Variants in DNAJC12 observed in about 807,000 individuals in gnomAD.
DNAJC12 encodes DnaJ heat shock protein family (Hsp40) member C12, also known as dnaJ homolog subfamily C member 12.
A neutral mutation model predicts 28.5 loss-of-function variants in DNAJC12; 25 were observed. The observed-to-expected ratio is 0.88, with a 90% confidence interval of 0.64 to 1.22. The LOEUF is 1.22. Among genes scored for constraint, DNAJC12 ranks in the 50% most tolerant of loss-of-function variants. The pLI, the probability that DNAJC12 is intolerant of heterozygous loss-of-function variation, is 0.00. For synonymous variants in DNAJC12, 77 were observed against 80.6 expected, an observed-to-expected ratio of 0.95 and a Z score of 0.24; for missense variants, 222 against 231.7, an observed-to-expected ratio of 0.96 and a Z score of 0.27.
At chr10:67,798,866 A>G (rs1841707908) in intron 4 of DNAJC12, among the ~76,000 whole-genome samples, 1 of 150,934 alleles carries the variant, frequency 6.6e-6, no homozygotes, top group Admixed American at 6.6e-5. Flanking sequence ...CCCGGGTTCA[A>G]GCGATTCTCC....
intron 4 of DNAJC12, 93 bp downstream of exon 4, chr10:67,805,490 G>C: frequency 7.5e-7 from 1 of 1,327,998 alleles, no homozygotes; most frequent in Non-Finnish European, 1.0e-6. Flanking sequence ...TGGCACTGCT[G>C]TGCAGATTGA....
At chr10:67,835,549 G>C (rs2131818667) in intron 1 of DNAJC12, among the ~76,000 whole-genome samples, 1 of 152,088 alleles carries the variant, frequency 6.6e-6, no homozygotes, top group Non-Finnish European at 1.5e-5. Flanking sequence ...AATTAGCTAG[G>C]CATGGTGGCA....
chr10:67,821,641 G>A (rs545388722), intron 2 of DNAJC12, among the ~76,000 whole-genome samples: 2 of 152,342 alleles, frequency 1.3e-5, no homozygotes, highest in Admixed American at 1.3e-4. Context: ...GCATCTGTTA[G>A]AGTATTTTTT....
At chr10:67,808,563 C>T (rs567994512) in intron 3 of DNAJC12, 6 of 152,060 alleles carry the variant, frequency 3.9e-5, no homozygotes, top group Admixed American at 1.3e-4. Context: ...GATCATGGTC[C>T]CTGTGCAAAG....
chr10:67,829,525 C>G (rs1842071818), intron 1 of DNAJC12, among the ~76,000 whole-genome samples: 1 of 152,070 alleles, frequency 6.6e-6, no homozygotes, highest in African/African-American at 2.4e-5. Context: ...CCTGTAGTTC[C>G]AGCTACTCCG....
chr10:67,830,227 C>T (rs1842079151), intron 1 of DNAJC12, among the ~76,000 whole-genome samples: 1 of 152,148 alleles, frequency 6.6e-6, no homozygotes, highest in African/African-American at 2.4e-5. Flanking sequence ...ACAAGAATCG[C>T]TTGAGCCTGG....
At chr10:67,798,619 T>C (rs1425269817) in intron 4 of DNAJC12, among the ~76,000 whole-genome samples, 2 of 150,098 alleles carry the variant, frequency 1.3e-5, no homozygotes, top group African/African-American at 4.9e-5. Flanking sequence ...GAGGGGGAGG[T>C]TGCAGTGAGC....
chr10:67,834,471 T>C (rs1353627635), intron 1 of DNAJC12, among the ~76,000 whole-genome samples: 2 of 152,140 alleles, frequency 1.3e-5, no homozygotes, highest in African/African-American at 2.4e-5. Flanking sequence ...ATATATCACG[T>C]ATTATTTAAT....
chr10:67,805,855 T>G lies in DNAJC12; in HGVS notation c.298-68A>C, dbSNP rs183298889. On this transcript the variant is annotated intron_variant, in intron 3 of 4. Coordinates refer to ENST00000225171, the MANE Select transcript of DNAJC12 (RefSeq NM_021800.3). Reference sequence around the variant, plus strand: ...TATATGATTTTCTATATTTAAAGTTTGATATGTGGTAACACCTGACCTACT... The same window carrying G: ...TATATGATTTTCTATATTTAAAGTTGGATATGTGGTAACACCTGACCTACT... 3.1e-6 allele frequency: 4 copies of G among 1,294,852 alleles called. No individual in the cohort carries two copies. In the African/African-American group the frequency reaches 4.5e-5, roughly 15 times the overall value. The allele number at this position is 1,294,852 out of a possible 1,614,324, so 80.2% of individuals were successfully genotyped here.
At chr10:67,830,556 T>G (rs1469893584) in intron 1 of DNAJC12, among the ~76,000 whole-genome samples, 1 of 150,916 alleles carries the variant, frequency 6.6e-6, no homozygotes, top group Admixed American at 6.6e-5. Flanking sequence ...TGCAGTGAGC[T>G]GAGATCCCGC....
intron 4 of DNAJC12, 134 bp downstream of exon 4, chr10:67,805,449 T>A (rs1053980598): frequency 3.2e-6 from 3 of 927,086 alleles, no homozygotes; most frequent in Non-Finnish European, 4.9e-6. Flanking sequence ...ATGCTAAGTG[T>A]CTTTTAAGAT....
chr10:67,807,036 T>G (rs887512330), intron 3 of DNAJC12, among the ~76,000 whole-genome samples: 1 of 152,170 alleles, frequency 6.6e-6, no homozygotes, highest in African/African-American at 2.4e-5. Flanking sequence ...CCTAGGTGGA[T>G]GGATCACAAG....
chr10:67,819,710 G>T (rs1428119686), intron 2 of DNAJC12, among the ~76,000 whole-genome samples: 1 of 13,212 alleles, frequency 7.6e-5, no homozygotes, highest in Non-Finnish European at 2.0e-4. Flanking sequence ...AAGGAAGGAA[G>T]GAAGGAAGCA....
chr10:67,817,833 G>A (rs1372348437), intron 2 of DNAJC12, among the ~76,000 whole-genome samples: 1 of 152,034 alleles, frequency 6.6e-6, no homozygotes, highest in Admixed American at 6.6e-5. Context: ...AGCTGAGATT[G>A]TGCCACTGCA....
chr10:67,810,277 G>T (rs555763986), intron 3 of DNAJC12, among the ~76,000 whole-genome samples: 1 of 152,164 alleles, frequency 6.6e-6, no homozygotes, highest in East Asian at 1.9e-4. Flanking sequence ...CTCCCATCAG[G>T]ACCCTCATCC....
chr10:67,812,077 T>C lies in DNAJC12; in HGVS notation c.158-414A>G, dbSNP rs544930815. On this transcript the variant is annotated intron_variant, in intron 2 of 4. Transcript: ENST00000225171. ...CAAGAGGGACAGTAAAACTGAAGAC[T>C]ATAAAGACTATAAAACTGAAGACTA... is the stretch of plus-strand genomic sequence containing the variant. 2.6e-5 allele frequency among the ~76,000 whole-genome samples: 4 copies of C among 152,030 alleles called. No homozygotes were observed. In the South Asian group the frequency reaches 6.3e-4, roughly 24 times the overall value.
chr10:67,819,646 A>T (rs1164481924), intron 2 of DNAJC12, among the ~76,000 whole-genome samples: 2 of 141,436 alleles, frequency 1.4e-5, no homozygotes, highest in Admixed American at 1.5e-4. Context: ...CAAAAAAAGA[A>T]AGAAAGAAAG....
At chr10:67,818,645 T>C (rs1163167245) in intron 2 of DNAJC12, among the ~76,000 whole-genome samples, 1 of 152,030 alleles carries the variant, frequency 6.6e-6, no homozygotes, top group African/African-American at 2.4e-5. Context: ...TTTAAGTGTT[T>C]ATCAAATTTT....
At position 67,831,191 on chromosome 10, in the gene DNAJC12, A is replaced by AATAC. The variant is rs539297232; in HGVS notation, c.78+6739_78+6742dup. ...CCACAGGGTGAGAATCTGTCTCAAAAATACATACATACGTACATACATATA... is the reference window on the plus strand; with the variant it reads ...CCACAGGGTGAGAATCTGTCTCAAAAATACATACATACATACGTACATACATATA... On this transcript the variant is annotated intron_variant, in intron 1 of 4. Transcript: ENST00000225171. Among the ~76,000 whole-genome samples the AATAC allele has an allele frequency of 7.7e-4, 118 of 152,346 alleles. 1 individual carries two copies. The East Asian group carries it at 0.017, about 21-fold the overall frequency.
Sources: allele counts gnomAD v4.1 joint callset (sites outside exome capture counted in the v4.1 genomes callset), GRCh38; gene constraint gnomAD v4.1.1; transcripts MANE v1.5; gene names NCBI Gene and HGNC (gene_info 2026-07-23, HGNC 2026-07-21).